The following PRKN variants were observed in gnomAD, a reference collection of about 807,000 sequenced individuals.
PRKN encodes the protein parkin RBR E3 ubiquitin protein ligase.
Under a neutral mutation model 59.5 loss-of-function variants are expected in PRKN, and 56 were observed. The observed-to-expected ratio is 0.94, with a 90% CI of 0.76 to 1.18. The LOEUF is 1.18. PRKN is among the 50% of genes most tolerant of loss of function. The pLI is 0.00. For synonymous variants in PRKN, 250 were observed against 222.1 expected, an observed-to-expected ratio of 1.13 and a Z score of -1.12; for missense variants, 657 against 596.4, an observed-to-expected ratio of 1.10 and a Z score of -1.06.
chr6:162,034,960 T>A (rs796593105), intron 5 of PRKN, among the ~76,000 whole-genome samples: 49 of 152,184 alleles, frequency 3.2e-4, no homozygotes, highest in African/African-American at 1.2e-3. Flanking sequence ...CGAGGCTGGG[T>A]AATTTAAAAG....
chr6:161,949,087 C>T (rs1779887828), intron 6 of PRKN, among the ~76,000 whole-genome samples: 1 of 152,172 alleles, frequency 6.6e-6, no homozygotes, highest in South Asian at 2.1e-4. Context: ...ATGAACAGAG[C>T]CTGGGGTGGA....
intron 1 of PRKN, among the ~76,000 whole-genome samples, chr6:162,586,034 T>A (rs1781038569): frequency 6.6e-6 from 1 of 152,174 alleles, no homozygotes; most frequent in African/African-American, 2.4e-5. Context: ...ATCAACCTGA[T>A]TAATAACATC....
intron 1 of PRKN, among the ~76,000 whole-genome samples, chr6:162,448,110 C>T (rs561108659): frequency 6.6e-6 from 1 of 152,254 alleles, no homozygotes; most frequent in Non-Finnish European, 1.5e-5. Context: ...GGCAATTCTT[C>T]CTCATGAGAG....
At chr6:162,514,160 TATAAA>T (rs746622579) in intron 1 of PRKN, among the ~76,000 whole-genome samples, 6 of 152,094 alleles carry the variant, frequency 3.9e-5, no homozygotes, top group Non-Finnish European at 7.4e-5. Flanking sequence ...GACAAAAAAA[TATAAA>T]ATATGAAAAT....
intron 1 of PRKN, among the ~76,000 whole-genome samples, chr6:162,471,662 T>C (rs2128178427): frequency 6.6e-6 from 1 of 152,334 alleles, no homozygotes; most frequent in African/African-American, 2.4e-5. Context: ...ACATTATAAG[T>C]GTTCATTATT....
At chr6:162,647,697 A>G (rs1778238258) in intron 1 of PRKN, among the ~76,000 whole-genome samples, 1 of 152,088 alleles carries the variant, frequency 6.6e-6, no homozygotes, top group Admixed American at 6.6e-5. Flanking sequence ...ACAATTAAGA[A>G]AGCATGCCAG....
intron 9 of PRKN, among the ~76,000 whole-genome samples, chr6:161,387,853 G>C (rs1786334348): frequency 6.6e-6 from 1 of 152,168 alleles, no homozygotes. Flanking sequence ...TCTTCAATCT[G>C]ACTGGTGTCC....
chr6:162,202,984 G>A (rs1784793149), intron 3 of PRKN, among the ~76,000 whole-genome samples: 1 of 152,232 alleles, frequency 6.6e-6, no homozygotes, highest in African/African-American at 2.4e-5. Context: ...AAGAAAAAAG[G>A]AGGAAGAAAA....
At chr6:162,360,806 T>C (rs1785101672) in intron 2 of PRKN, among the ~76,000 whole-genome samples, 1 of 152,144 alleles carries the variant, frequency 6.6e-6, no homozygotes, top group African/African-American at 2.4e-5. Flanking sequence ...TGCTTAGCGA[T>C]GGAGTTAGTG....
rs190245029 is a variant in PRKN, at chr6:162,371,318, G to T, written c.171+71992C>A. Among the ~76,000 whole-genome samples, 543 of 152,216 alleles carry T rather than the reference G, an allele frequency of 3.6e-3. 2 individuals are homozygous for T. The highest frequency in any genetic ancestry group is 0.013 in the African/African-American group (524 of 41,532). On this transcript the variant is annotated intron_variant, in intron 2 of 11. Transcript: ENST00000366898. ...AACTGTCTTCTTTAGAAAGCAGTGT[G>T]GTGACCAGGTGTTGCTAATCATCAG... is the stretch of plus-strand genomic sequence containing the variant.
In PRKN at chr6:161,533,675, T is replaced by G. The variant is rs1779305195; in HGVS notation, c.1083+15179A>C. 6.6e-6 allele frequency among the ~76,000 whole-genome samples: 1 copy of G among 152,132 alleles called. No homozygotes were observed. Among genetic ancestry groups the G allele is most frequent in the Non-Finnish European group, 1.5e-5 (1 of 68,038 alleles). On this transcript the variant is annotated intron_variant, in intron 9 of 11. Transcript: ENST00000366898. The surrounding 1 kb of genome is among the most constrained non-coding windows in gnomAD (Gnocchi z 4.1). ...CAGACACTGCCTCCTCAAGCCTGCC[T>G]ATAAAATCTGCTGGGATCTGCCACC...
intron 2 of PRKN, among the ~76,000 whole-genome samples, chr6:162,380,476 T>TATAC (rs1786401376): frequency 2.4e-5 from 1 of 41,042 alleles, no homozygotes; most frequent in African/African-American, 1.3e-4. Context: ...TATGTGTGTA[T>TATAC]ATATATGTAT....
At position 161,547,581 on chromosome 6, in the gene PRKN, A is replaced by G. The variant is rs1206521840; in HGVS notation, c.1083+1273T>C. On this transcript the variant is annotated intron_variant, in intron 9 of 11. Coordinates refer to ENST00000366898, the MANE Select transcript of PRKN (RefSeq NM_004562.3). This position sits in a 1 kb window ranked among gnomAD's most constrained non-coding sequence, Gnocchi z 4.0. ...GATGGAACCACAGTAGGCAATTAGC[A>G]GGCAGAAGCACATAATTTAGCCAGT... 1.3e-5 allele frequency among the ~76,000 whole-genome samples: 2 copies of G among 152,242 alleles called. No individual in the cohort carries two copies. Among genetic ancestry groups the G allele is most frequent in the African/African-American group, 4.8e-5 (2 of 41,464 alleles).
At chr6:161,931,802 C>T (rs1461750737) in intron 6 of PRKN, among the ~76,000 whole-genome samples, 1 of 152,116 alleles carries the variant, frequency 6.6e-6, no homozygotes, top group Non-Finnish European at 1.5e-5. Context: ...CTATGGAAAG[C>T]AGAAAGATTT....
chr6:161,638,898 T>C (rs1412547302), intron 7 of PRKN, among the ~76,000 whole-genome samples: 3 of 151,970 alleles, frequency 2.0e-5, no homozygotes, highest in Non-Finnish European at 2.9e-5. Context: ...TGTGCCACCA[T>C]ACCTAGCTAA....
chr6:161,569,898 G>C (rs1021749100), intron 7 of PRKN, among the ~76,000 whole-genome samples: 2 of 152,092 alleles, frequency 1.3e-5, no homozygotes, highest in Admixed American at 6.6e-5. Context: ...CCATTCTTTG[G>C]GGGGCTCAGC....
chr6:161,532,424 AGTGT>A (rs1041325600), intron 9 of PRKN, among the ~76,000 whole-genome samples: 1 of 151,074 alleles, frequency 6.6e-6, no homozygotes, highest in African/African-American at 2.4e-5. Context: ...GTATGTATGT[AGTGT>A]GTGTGTGTGA....
chr6:162,579,670 C>A lies in PRKN; in HGVS notation c.8-136197G>T, dbSNP rs569430317. Among the ~76,000 whole-genome samples, 203 of 145,526 alleles carry A rather than the reference C, an allele frequency of 1.4e-3. 1 individual carries two copies. The highest frequency in any genetic ancestry group is 5.5e-3 in the African/African-American group (195 of 35,368). ...TTACACAAATTCACACACACAGATA[C>A]ACACAGATTCACACACACATACATA... On this transcript the variant is annotated intron_variant, in intron 1 of 11. Coordinates refer to ENST00000366898, the MANE Select transcript of PRKN (RefSeq NM_004562.3).
intron 2 of PRKN, among the ~76,000 whole-genome samples, chr6:162,277,226 A>T (rs1193096097): frequency 6.6e-6 from 1 of 152,170 alleles, no homozygotes; most frequent in African/African-American, 2.4e-5. Flanking sequence ...CTGCCCACAG[A>T]TTCCCTAATA....
Sources: allele counts gnomAD v4.1 joint callset (sites outside exome capture counted in the v4.1 genomes callset), GRCh38; gene constraint gnomAD v4.1.1; non-coding constraint Gnocchi (gnomAD v3.1); transcripts MANE v1.5; gene names NCBI Gene and HGNC (gene_info 2026-07-23, HGNC 2026-07-21).